RPH3A: variants seen among roughly 807,000 people sequenced by gnomAD.
The protein encoded by RPH3A is rabphilin 3A, also known as rabphilin-3A.
RPH3A carries 48 observed loss-of-function variants against 102.2 expected under a neutral mutation model. The observed-to-expected ratio is 0.47, with a 90% confidence interval of 0.37 to 0.60. The LOEUF is 0.60. Among genes scored for constraint, RPH3A ranks in the 20% least tolerant of loss-of-function variants. RPH3A has a pLI of 0.00. For synonymous variants in RPH3A, 310 were observed against 324.3 expected (o/e 0.96, Z 0.47); for missense variants, 781 against 910.1 (o/e 0.86, Z 1.83).
chr12:112,879,638 C>CA (rs1391601324), intron 14 of RPH3A, among the ~76,000 whole-genome samples: 36 of 152,222 alleles, frequency 2.4e-4, no homozygotes, highest in Non-Finnish European at 4.4e-4. Flanking sequence ...GACACAGGGA[C>CA]ACTAATATGG....
intron 3 of RPH3A, among the ~76,000 whole-genome samples, chr12:112,830,696 C>T (rs140889165): frequency 6.6e-6 from 1 of 151,894 alleles, no homozygotes; most frequent in African/African-American, 2.4e-5. Flanking sequence ...AAAAATTGAA[C>T]CTTTTATCAT....
At chr12:112,795,313 A>G (rs2041208202) in intron 2 of RPH3A, among the ~76,000 whole-genome samples, 2 of 152,228 alleles carry the variant, frequency 1.3e-5, no homozygotes, top group African/African-American at 4.8e-5. Context: ...CAATGAGAAG[A>G]AAACAGTGTG....
chr12:112,701,827 T>C (rs1401732901), intron 1 of RPH3A, among the ~76,000 whole-genome samples: 1 of 152,248 alleles, frequency 6.6e-6, no homozygotes, highest in Non-Finnish European at 1.5e-5. Context: ...ATTTTCTATG[T>C]TGACAGTGTC....
chr12:112,896,915 C>A lies in RPH3A; in HGVS notation c.*135C>A, dbSNP rs1009226315. ...TGATCTCCCTGAGCCTGCCTTTGAGCCCCCGTCACGTTGGGCACTGCTGCC... is the reference window on the plus strand; with the variant it reads ...TGATCTCCCTGAGCCTGCCTTTGAGACCCCGTCACGTTGGGCACTGCTGCC... On this transcript the variant is annotated 3_prime_UTR_variant, in exon 22 of 22. Coordinates refer to ENST00000389385, the MANE Select transcript of RPH3A (RefSeq NM_001143854.2). 7 of 940,666 alleles carry A rather than the reference C, an allele frequency of 7.4e-6. No homozygotes were observed. The highest frequency in any genetic ancestry group is 9.4e-6 in the Non-Finnish European group (6 of 635,266). The allele number at this position is 940,666 out of a possible 1,614,324, so 58.3% of individuals were successfully genotyped here.
chr12:112,853,095 C>A (rs1440932648), intron 5 of RPH3A, among the ~76,000 whole-genome samples: 2 of 152,200 alleles, frequency 1.3e-5, no homozygotes, highest in African/African-American at 2.4e-5. Context: ...ATCTTGATTC[C>A]ACCTTCCCCT....
chr12:112,632,621 T>C (rs534599780), intron 1 of RPH3A, among the ~76,000 whole-genome samples: 3 of 152,298 alleles, frequency 2.0e-5, no homozygotes, highest in Admixed American at 6.5e-5. Context: ...TCAACTTACA[T>C]ATTCTTCACT....
At chr12:112,876,109 A>G (rs1266362244) in intron 12 of RPH3A, among the ~76,000 whole-genome samples, 1 of 152,208 alleles carries the variant, frequency 6.6e-6, no homozygotes, top group Non-Finnish European at 1.5e-5. Context: ...AAACTAACAC[A>G]TAGAAAACCT....
At chr12:112,614,698 A>C (rs1258478783) in intron 1 of RPH3A, among the ~76,000 whole-genome samples, 1 of 148,966 alleles carries the variant, frequency 6.7e-6, no homozygotes, top group Non-Finnish European at 1.5e-5. Flanking sequence ...CAAAAAAAAA[A>C]AAAAAAAAAA....
chr12:112,701,498 T>C lies in RPH3A; in HGVS notation c.-139-90645T>C, dbSNP rs140570689. On this transcript the variant is annotated intron_variant, in intron 1 of 21. Coordinates refer to the RPH3A transcript ENST00000543106. ...AGGTGGGTGGTAGTTTCACCTAAGG[T>C]CAGGTCTGAAGCTATCCTATGACAG... is the stretch of plus-strand genomic sequence containing the variant. Among the ~76,000 whole-genome samples, 22 of 152,290 alleles carry C rather than the reference T, an allele frequency of 1.4e-4. 1 individual carries two copies. The East Asian group carries it at 3.1e-3, about 21-fold the overall frequency.
chr12:112,811,224 G>C (rs1184002467), intron 2 of RPH3A, among the ~76,000 whole-genome samples: 1 of 152,006 alleles, frequency 6.6e-6, no homozygotes, highest in Non-Finnish European at 1.5e-5. Flanking sequence ...CCATTAACAG[G>C]CTCCCAATAT....
At chr12:112,825,616 C>T (rs991063873) in intron 2 of RPH3A, among the ~76,000 whole-genome samples, 20 of 152,188 alleles carry the variant, frequency 1.3e-4, no homozygotes, top group African/African-American at 4.6e-4. Flanking sequence ...AGTTGAGCCG[C>T]ACTGACAGTG....
chr12:112,590,669 T>C (rs1442073237), intron 1 of RPH3A, among the ~76,000 whole-genome samples: 1 of 152,244 alleles, frequency 6.6e-6, no homozygotes, highest in African/African-American at 2.4e-5. Flanking sequence ...CAACCTAAAG[T>C]GTGTTTGAAA....
At chr12:112,835,956 G>C (rs1392323776) in intron 3 of RPH3A, among the ~76,000 whole-genome samples, 1 of 152,212 alleles carries the variant, frequency 6.6e-6, no homozygotes, top group Non-Finnish European at 1.5e-5. Flanking sequence ...AAGCCAGAGA[G>C]TGCCAGACAT....
chr12:112,580,280 C>T (rs73429644), intron 1 of RPH3A, among the ~76,000 whole-genome samples: 5,949 of 151,850 alleles, frequency 0.039, 319 homozygotes, highest in African/African-American at 0.12. Context: ...CTATATCTCC[C>T]CACCCCCTGT....
At chr12:112,606,369 A>G (rs2039596650) in intron 1 of RPH3A, among the ~76,000 whole-genome samples, 1 of 151,946 alleles carries the variant, frequency 6.6e-6, no homozygotes, top group Non-Finnish European at 1.5e-5. Flanking sequence ...TATAAAGAAA[A>G]TAGGGTTTTT....
chr12:112,606,676 G>A (rs188337909), intron 1 of RPH3A, among the ~76,000 whole-genome samples: 16 of 152,292 alleles, frequency 1.1e-4, no homozygotes, highest in Admixed American at 7.2e-4. Flanking sequence ...GCGTAGATGC[G>A]GAGGGCTCAG....
chr12:112,616,228 C>A (rs1211068055), intron 1 of RPH3A, among the ~76,000 whole-genome samples: 1 of 152,172 alleles, frequency 6.6e-6, no homozygotes, highest in Non-Finnish European at 1.5e-5. Flanking sequence ...CTCACTGCAA[C>A]CTCCGCCTCC....
rs538192786 is a variant in RPH3A, at chr12:112,852,969, G to A, written c.230+5127G>A. ...CGAGGTCAGCTTCCCTAAACAGATG[G>A]GCCCAAAAAAGTAATTAGGATTTGT... On this transcript the variant is annotated intron_variant, in intron 5 of 21. Transcript: ENST00000389385. Among the ~76,000 whole-genome samples the A allele has an allele frequency of 3.9e-4, 59 of 152,150 alleles. No homozygotes were observed. In the South Asian group the frequency reaches 0.012, roughly 30 times the overall value.
At chr12:112,786,570 A>G (rs1170685266) in intron 1 of RPH3A, among the ~76,000 whole-genome samples, 1 of 152,164 alleles carries the variant, frequency 6.6e-6, no homozygotes, top group Non-Finnish European at 1.5e-5. Context: ...GAAGGCATGG[A>G]CGCCCTAGCA....
Sources: gnomAD v4.1 joint callset for allele counts (sites outside exome capture counted in the v4.1 genomes callset) on GRCh38, gnomAD v4.1.1 for gene constraint, MANE v1.5 for transcripts, NCBI Gene and HGNC (gene_info 2026-07-23, HGNC 2026-07-21) for gene names.